The following RNF220 variants were observed in gnomAD, a reference collection of about 807,000 sequenced individuals.
The protein encoded by RNF220 is E3 ubiquitin-protein ligase RNF220.
RNF220 carries 7 observed loss-of-function variants against 67.1 expected under a neutral mutation model. That is an observed-to-expected ratio of 0.10 (90% CI 0.06 to 0.20). The LOEUF (loss-of-function observed/expected upper bound fraction) is 0.20, where lower values mean the gene tolerates loss of function less well. RNF220 is among the 10% of genes least tolerant of loss of function. The pLI is 1.00. For synonymous variants in RNF220, 270 were observed against 283.2 expected (o/e 0.95, Z 0.47); for missense variants, 565 against 740.3 (o/e 0.76, Z 2.75).
At chr1:44,440,372 G>T (rs1250601127) in intron 2 of RNF220, among the ~76,000 whole-genome samples, 1 of 152,234 alleles carries the variant, frequency 6.6e-6, no homozygotes. Flanking sequence ...GTGTGCAAGG[G>T]TGGAGAGTGG....
rs147341044 is a variant in RNF220 at position 44,649,407 on chromosome 1, C to T, written c.1446-254C>T. The T allele has an allele frequency of 2.7e-4, 145 of 539,264 alleles. 1 individual carries two copies. The highest frequency in any genetic ancestry group is 1.5e-3 in the Middle Eastern group (3 of 1,970). The allele number at this position is 539,264 out of a possible 1,614,324, so 33.4% of individuals were successfully genotyped here. ...CAGATTTGGGTGGTTGGGAAGACTG[C>T]GAAGGAGTGGTTGAAAATGGTTCCC... On this transcript the variant is annotated intron_variant, in intron 12 of 14. Coordinates refer to ENST00000361799, the MANE Select transcript of RNF220 (RefSeq NM_018150.4). This position sits in a 1 kb window ranked among gnomAD's most constrained non-coding sequence, Gnocchi z 5.9.
chr1:44,489,625 C>A (rs12090209), intron 2 of RNF220, among the ~76,000 whole-genome samples: 1 of 152,208 alleles, frequency 6.6e-6, no homozygotes, highest in East Asian at 1.9e-4. Flanking sequence ...TTTTTCAGCA[C>A]GAAAAAGCAA....
At chr1:44,577,704 G>C (rs1478242234) in intron 2 of RNF220, among the ~76,000 whole-genome samples, 2 of 152,230 alleles carry the variant, frequency 1.3e-5, no homozygotes, top group Non-Finnish European at 2.9e-5. Flanking sequence ...AATGGCTCAC[G>C]CCTATAATCC....
At chr1:44,603,410 G>A (rs962863040) in intron 2 of RNF220, among the ~76,000 whole-genome samples, 1 of 152,174 alleles carries the variant, frequency 6.6e-6, no homozygotes, top group African/African-American at 2.4e-5. Context: ...CAGGGCCTGG[G>A]GCAGGCCAGA....
At chr1:44,557,405 GAGGA>G (rs201545728) in intron 2 of RNF220, among the ~76,000 whole-genome samples, 5,742 of 150,582 alleles carry the variant, frequency 0.038, 229 homozygotes, top group East Asian at 0.16. Flanking sequence ...GAAAGAGAGA[GAGGA>G]AGGAAGGAAG....
chr1:44,527,925 C>CAAAAAAAAAAAAAAAAAA lies in RNF220; in HGVS notation c.626-86231_626-86214dup, dbSNP rs56409207. On this transcript the variant is annotated intron_variant, in intron 2 of 14. Transcript: ENST00000361799. ...TGGGTGACAGAGCAAGACTCCATCC[C>CAAAAAAAAAAAAAAAAAA]AAAAAAAAAAAAAAAAAAAAAAAAA... 4.1e-4 allele frequency among the ~76,000 whole-genome samples: 23 copies of CAAAAAAAAAAAAAAAAAA among 56,190 alleles called. 4 individuals are homozygous for CAAAAAAAAAAAAAAAAAA. The highest frequency in any genetic ancestry group is 9.1e-4 in the African/African-American group (9 of 9,846). The allele number at this position is 56,190 out of a possible 152,430, so 36.9% of individuals were successfully genotyped here. A position where few individuals can be genotyped will look rare whatever the true frequency, so the allele number is the denominator to read the frequency against.
At chr1:44,522,638 T>G (rs1260164063) in intron 2 of RNF220, among the ~76,000 whole-genome samples, 1 of 151,638 alleles carries the variant, frequency 6.6e-6, no homozygotes. Flanking sequence ...GAGCTTCAGG[T>G]AGAAACATCC....
At chr1:44,506,582 G>T (rs1658449181) in intron 2 of RNF220, among the ~76,000 whole-genome samples, 1 of 152,246 alleles carries the variant, frequency 6.6e-6, no homozygotes, top group African/African-American at 2.4e-5. Context: ...ATACCCTGCA[G>T]GCCGGATGGC....
chr1:44,451,909 G>A (rs958482762), intron 2 of RNF220, among the ~76,000 whole-genome samples: 5 of 152,122 alleles, frequency 3.3e-5, no homozygotes, highest in African/African-American at 9.7e-5. Context: ...GTGAGCCACC[G>A]CGCCCAGCCT....
intron 2 of RNF220, among the ~76,000 whole-genome samples, chr1:44,609,581 C>A (rs990844623): frequency 6.6e-6 from 1 of 152,194 alleles, no homozygotes; most frequent in South Asian, 2.1e-4. Flanking sequence ...CAGGTTGTGC[C>A]GGCACTTGAG....
chr1:44,498,410 T>C (rs1193159747), intron 2 of RNF220, among the ~76,000 whole-genome samples: 1 of 152,174 alleles, frequency 6.6e-6, no homozygotes, highest in Non-Finnish European at 1.5e-5. Context: ...CCTTCGTTCC[T>C]GTAGGGCTCT....
intron 2 of RNF220, among the ~76,000 whole-genome samples, chr1:44,479,883 A>C (rs1276425767): frequency 6.6e-6 from 1 of 152,148 alleles, no homozygotes; most frequent in Non-Finnish European, 1.5e-5. Flanking sequence ...TCATGCTTGC[A>C]ATGTTTTGCC....
chr1:44,525,676 C>T (rs933059964), intron 2 of RNF220, among the ~76,000 whole-genome samples: 4 of 152,156 alleles, frequency 2.6e-5, no homozygotes, highest in Admixed American at 1.3e-4. Context: ...TCAGCAGGAA[C>T]GTTGGCACTC....
chr1:44,566,690 A>G (rs1221123080), intron 2 of RNF220, among the ~76,000 whole-genome samples: 4 of 152,230 alleles, frequency 2.6e-5, no homozygotes, highest in Non-Finnish European at 5.9e-5. Flanking sequence ...GGCCTGGTGC[A>G]GGAACACACA....
chr1:44,536,569 C>T (rs1473047064), intron 2 of RNF220, among the ~76,000 whole-genome samples: 3 of 152,210 alleles, frequency 2.0e-5, no homozygotes, highest in Admixed American at 6.5e-5. Flanking sequence ...TCACCCTTGT[C>T]GCTTTCCTCT....
At position 44,636,192 on chromosome 1, in the gene RNF220, A is replaced by C. The variant is rs1367532081; in HGVS notation, c.1126+30A>C. On this transcript the variant is annotated intron_variant, in intron 8 of 14. Coordinates refer to ENST00000361799, the MANE Select transcript of RNF220 (RefSeq NM_018150.4). Reference sequence around the variant, plus strand: ...AAGCAGCTGACACGTAGACATTGGCACTCTGGTGCCAGGCCTCTGCTGGGT... The same window carrying C: ...AAGCAGCTGACACGTAGACATTGGCCCTCTGGTGCCAGGCCTCTGCTGGGT... 3 of 1,577,942 alleles carry C rather than the reference A, an allele frequency of 1.9e-6. No homozygotes were observed. The African/African-American group carries it at 4.0e-5, about 21-fold the overall frequency.
chr1:44,487,521 T>G (rs1656418514), intron 2 of RNF220, among the ~76,000 whole-genome samples: 2 of 150,978 alleles, frequency 1.3e-5, no homozygotes. Context: ...TGGGCATCCT[T>G]GTTTGTTTGA....
intron 1 of RNF220, among the ~76,000 whole-genome samples, chr1:44,407,743 G>T (rs1647524103): frequency 6.6e-6 from 1 of 152,176 alleles, no homozygotes; most frequent in African/African-American, 2.4e-5. Context: ...GGAAGGGCCC[G>T]GCAGCCCCGC....
chr1:44,583,870 G>A (rs1248167976), intron 2 of RNF220, among the ~76,000 whole-genome samples: 1 of 152,204 alleles, frequency 6.6e-6, no homozygotes, highest in Non-Finnish European at 1.5e-5. Flanking sequence ...TTTCTGAATG[G>A]ATGGATAAAT....
Sources: gnomAD v4.1 joint callset for allele counts (sites outside exome capture counted in the v4.1 genomes callset) on GRCh38, gnomAD v4.1.1 for gene constraint, Gnocchi (gnomAD v3.1) non-coding constraint, MANE v1.5 for transcripts, NCBI Gene and HGNC (gene_info 2026-07-23, HGNC 2026-07-21) for gene names.